The following PRKDC variants were observed in gnomAD, a reference collection of about 807,000 sequenced individuals.
PRKDC encodes DNA-dependent protein kinase catalytic subunit.
Under a neutral mutation model 486.9 loss-of-function variants are expected in PRKDC, and 82 were observed. The ratio of observed to expected loss-of-function variants is 0.17; its 90% CI spans 0.14 to 0.20. PRKDC has a LOEUF of 0.20. PRKDC is among the 10% of genes least tolerant of loss of function. The probability of loss-of-function intolerance (pLI) is 1.00; values close to 1 mark genes in which losing one functional copy is unlikely to be tolerated. For missense variants in PRKDC, 4,504 were observed against 5,038.2 expected (o/e 0.89, Z 3.21); for synonymous variants, 1,895 against 1,837.0 (o/e 1.03, Z -0.81).
chr8:47,936,275 G>A (rs2090349773), intron 12 of PRKDC, 78 bp downstream of exon 12: 1 of 1,451,462 alleles, frequency 6.9e-7, no homozygotes, highest in Non-Finnish European at 9.3e-7. Context: ...TACACTAAAT[G>A]TATTGTATGA....
chr8:47,919,402 A>G (rs1236445294), intron 21 of PRKDC, among the ~76,000 whole-genome samples: 1 of 152,200 alleles, frequency 6.6e-6, no homozygotes, highest in Non-Finnish European at 1.5e-5. Flanking sequence ...ACATTTTACT[A>G]TTTCCTTTAT....
rs149531653 is a variant in PRKDC at position 47,916,243 on chromosome 8, C to A, written c.2527-825G>T. ...TGGGCAGATCACGAGGTCAGGAGTT[C>A]GAGACCAGCCTTTCACCAACATGGT... On this transcript the variant is annotated intron_variant, in intron 22 of 85. Coordinates refer to ENST00000314191, the MANE Select transcript of PRKDC (RefSeq NM_006904.7). Among the ~76,000 whole-genome samples the A allele has an allele frequency of 2.6e-5, 4 of 151,968 alleles. 1 individual carries two copies. The highest frequency in any genetic ancestry group is 2.6e-4 in the Admixed American group (4 of 15,252).
At chr8:47,891,588 C>A (rs1424815736) in intron 31 of PRKDC, among the ~76,000 whole-genome samples, 2 of 151,838 alleles carry the variant, frequency 1.3e-5, no homozygotes, top group Non-Finnish European at 1.5e-5. Flanking sequence ...GGCGTGGTGG[C>A]GGGCACCTGT....
chr8:47,860,471 G>C (rs1321879421), intron 45 of PRKDC, among the ~76,000 whole-genome samples: 1 of 152,182 alleles, frequency 6.6e-6, no homozygotes, highest in Admixed American at 6.5e-5. Flanking sequence ...CAGGGGCCTT[G>C]AGCAGCTCTG....
intron 40 of PRKDC, among the ~76,000 whole-genome samples, chr8:47,873,382 C>CA (rs2089005980): frequency 1.3e-5 from 2 of 151,578 alleles, no homozygotes; most frequent in South Asian, 2.1e-4. Context: ...ACTAAACATA[C>CA]AAAAAAAATG....
chr8:47,846,040 A>T (rs185739220), intron 54 of PRKDC, among the ~76,000 whole-genome samples: 2 of 152,248 alleles, frequency 1.3e-5, no homozygotes, highest in Admixed American at 1.3e-4. Context: ...ACAAATCAAT[A>T]ATGTGATTCA....
chr8:47,836,578 T>TC lies in PRKDC; in HGVS notation c.7762-52dup, dbSNP rs1296040714. ...AATAAAGTTTCAAATGAAATAATGCTCCTTTTTTAGGAACACTGATATATT... is the reference window on the plus strand; with the variant it reads ...AATAAAGTTTCAAATGAAATAATGCTCCCTTTTTTAGGAACACTGATATATT... On this transcript the variant is annotated intron_variant, in intron 57 of 85. Coordinates refer to ENST00000314191, the MANE Select transcript of PRKDC (RefSeq NM_006904.7). The TC allele has an allele frequency of 2.7e-6, 4 of 1,457,380 alleles. No individual in the cohort carries two copies. In the African/African-American group the frequency reaches 5.6e-5, roughly 21 times the overall value. 90.3% of individuals were successfully genotyped at this position (1,457,380 alleles called of 1,614,324 possible). A position where few individuals can be genotyped will look rare whatever the true frequency, so the allele number is the denominator to read the frequency against.
Position 47,840,037 on chromosome 8 carries a change from A to G in PRKDC, c.7433T>C (p.Met2478Thr), listed in dbSNP as rs1462162275. The G allele has an allele frequency of 6.5e-7, 1 of 1,543,606 alleles. No individual in the cohort carries two copies. Among genetic ancestry groups the G allele is most frequent in the Non-Finnish European group, 8.8e-7 (1 of 1,142,802 alleles). Residue 2478 changes from methionine to threonine, a missense_variant, in exon 55 of 86, where the codon ATG becomes ACG. Met to Thr is a moderately conservative substitution (Grantham distance 81). Coordinates refer to ENST00000314191, the MANE Select transcript of PRKDC (RefSeq NM_006904.7). ...TTACCTGTAATTATCATGAATCCAC[A>G]TGAGAATATTATACATTTGTTCCCT... The part of the protein sequence containing the change: ...TCREQMYNIL[M>T]WIHDNYRDPE...
rs766321629 is a variant in PRKDC at position 47,789,092 on chromosome 8, T to A, written c.10759-43A>T. The A allele has an allele frequency of 1.9e-6, 3 of 1,612,510 alleles. No homozygotes were observed. In the Admixed American group the frequency reaches 5.0e-5, roughly 27 times the overall value. ...AAGTAAGAAAAAAATCAAGCTAGAT[T>A]GCAATTAAGTTTTACCCAACTTATA... On this transcript the variant is annotated intron_variant, in intron 75 of 85. Coordinates refer to ENST00000314191, the MANE Select transcript of PRKDC (RefSeq NM_006904.7).
chr8:47,818,146 T>C (rs991817198), intron 67 of PRKDC, among the ~76,000 whole-genome samples: 6 of 152,270 alleles, frequency 3.9e-5, no homozygotes, highest in Non-Finnish European at 7.4e-5. Flanking sequence ...AAAACAGCAG[T>C]CAGGAACACA....
chr8:47,905,489 C>G (rs1302735156), intron 25 of PRKDC, among the ~76,000 whole-genome samples: 1 of 152,140 alleles, frequency 6.6e-6, no homozygotes, highest in Admixed American at 6.5e-5. Context: ...AACGTGCACA[C>G]AAGATATCCT....
intron 29 of PRKDC, among the ~76,000 whole-genome samples, chr8:47,898,133 A>G (rs1172262264): frequency 3.9e-5 from 6 of 152,246 alleles, no homozygotes; most frequent in Non-Finnish European, 7.3e-5. Context: ...AATTTACGGA[A>G]TAATGGTTCA....
At chr8:47,856,864 T>C (rs983038765) in intron 49 of PRKDC, among the ~76,000 whole-genome samples, 1 of 152,226 alleles carries the variant, frequency 6.6e-6, no homozygotes, top group African/African-American at 2.4e-5. Flanking sequence ...CACATAGTTT[T>C]AATAAATTTG....
At chr8:47,906,336 C>T (rs2089781524) in intron 25 of PRKDC, among the ~76,000 whole-genome samples, 2 of 151,828 alleles carry the variant, frequency 1.3e-5, no homozygotes, top group African/African-American at 4.8e-5. Context: ...GACAGAGGGA[C>T]ACCGTGTCTA....
chr8:47,827,994 G>T (rs2087774735), intron 62 of PRKDC, among the ~76,000 whole-genome samples, 174 bp downstream of exon 62: 1 of 152,142 alleles, frequency 6.6e-6, no homozygotes, highest in Admixed American at 6.5e-5. Flanking sequence ...TTTTCTGGGG[G>T]GAAAAAATAA....
intron 69 of PRKDC, among the ~76,000 whole-genome samples, chr8:47,804,895 G>A (rs1156961255): frequency 6.6e-6 from 1 of 152,096 alleles, no homozygotes; most frequent in East Asian, 1.9e-4. Context: ...CCGAGTAGCT[G>A]GGATTACAGG....
chr8:47,819,652 A>G (rs977901370), intron 66 of PRKDC, 142 bp from the exon 67 acceptor site: 10 of 441,746 alleles, frequency 2.3e-5, no homozygotes, highest in Non-Finnish European at 3.2e-5. Context: ...ATGGTTAATA[A>G]TTAGATCACA....
chr8:47,875,185 A>G (rs1310848353), intron 40 of PRKDC, among the ~76,000 whole-genome samples: 1 of 152,236 alleles, frequency 6.6e-6, no homozygotes, highest in Non-Finnish European at 1.5e-5. Flanking sequence ...TTGGTAATTT[A>G]CGACTTTCTA....
At chr8:47,917,752 A>G (rs1713861064) in intron 22 of PRKDC, among the ~76,000 whole-genome samples, 1 of 152,218 alleles carries the variant, frequency 6.6e-6, no homozygotes, top group Non-Finnish European at 1.5e-5. Flanking sequence ...TTTACCTTTT[A>G]TTATCCACTA....
Sources: gnomAD v4.1 joint callset for allele counts (sites outside exome capture counted in the v4.1 genomes callset) on GRCh38, gnomAD v4.1.1 for gene constraint, MANE v1.5 for transcripts, NCBI Gene and HGNC (gene_info 2026-07-23, HGNC 2026-07-21) for gene names.